The following RAB3C variants were observed in gnomAD, a reference collection of about 807,000 sequenced individuals.
The protein encoded by RAB3C is RAB3C, member RAS oncogene family.
A neutral mutation model predicts 26.4 loss-of-function variants in RAB3C; 17 were observed. That is an observed-to-expected ratio of 0.64 (90% confidence interval 0.44 to 0.97). The LOEUF is 0.97. Among genes scored for constraint, RAB3C ranks in the 50% least tolerant of loss-of-function variants. RAB3C has a pLI of 0.00. For missense variants in RAB3C, 242 were observed against 281.9 expected (o/e 0.86, Z 1.01); for synonymous variants, 91 against 95.9 (o/e 0.95, Z 0.30).
At chr5:58,709,763 T>C (rs1027016507) in intron 2 of RAB3C, among the ~76,000 whole-genome samples, 2 of 152,208 alleles carry the variant, frequency 1.3e-5, no homozygotes, top group Admixed American at 6.5e-5. Flanking sequence ...GCCAGTCTCA[T>C]TGGTGTCTGA....
At chr5:58,625,632 G>A (rs1833616) in intron 2 of RAB3C, among the ~76,000 whole-genome samples, 5,687 of 152,178 alleles carry the variant, frequency 0.037, 360 homozygotes, top group African/African-American at 0.13. Flanking sequence ...GCCGAGGTGG[G>A]TGGATCACGA....
chr5:58,739,120 G>C (rs1210512719), intron 3 of RAB3C, among the ~76,000 whole-genome samples: 1 of 152,180 alleles, frequency 6.6e-6, no homozygotes, highest in African/African-American at 2.4e-5. Context: ...TTGCATTTGT[G>C]ACTTACTTGA....
chr5:58,851,574 C>T lies in RAB3C; in HGVS notation c.*223C>T. The T allele has an allele frequency of 4.9e-6, 2 of 404,496 alleles. No individual in the cohort carries two copies. The highest frequency in any genetic ancestry group is 8.7e-6 in the Non-Finnish European group (2 of 229,670). 25.1% of individuals were successfully genotyped at this position (404,496 alleles called of 1,614,324 possible). On this transcript the variant is annotated 3_prime_UTR_variant, in exon 5 of 5. Transcript: ENST00000282878. The stretch of plus-strand genomic sequence containing the variant: ...ACTATCCATCTATAAACATCTGGTA[C>T]CTGCATGTGACTTGTTATTTATTTG...
chr5:58,732,458 T>C (rs1021072234), intron 3 of RAB3C, among the ~76,000 whole-genome samples: 1 of 152,134 alleles, frequency 6.6e-6, no homozygotes, highest in Non-Finnish European at 1.5e-5. Flanking sequence ...ATGTTAACAA[T>C]AGCTTTTATA....
At chr5:58,585,347 T>G (rs1377114684) in intron 1 of RAB3C, among the ~76,000 whole-genome samples, 1 of 152,058 alleles carries the variant, frequency 6.6e-6, no homozygotes, top group African/African-American at 2.4e-5. Context: ...GTAATCACAT[T>G]TCACGTGACT....
intron 3 of RAB3C, among the ~76,000 whole-genome samples, chr5:58,739,575 A>G (rs1741233046): frequency 6.6e-6 from 1 of 152,178 alleles, no homozygotes; most frequent in African/African-American, 2.4e-5. Context: ...AAACAGCACA[A>G]CATTAGACAT....
At chr5:58,619,947 G>A (rs902249536) in intron 2 of RAB3C, among the ~76,000 whole-genome samples, 2 of 151,538 alleles carry the variant, frequency 1.3e-5, no homozygotes, top group Non-Finnish European at 2.9e-5. Context: ...GCCAACCAAA[G>A]CTCAGATCCC....
intron 3 of RAB3C, among the ~76,000 whole-genome samples, chr5:58,808,091 G>T (rs1469240344): frequency 1.3e-5 from 2 of 151,970 alleles, no homozygotes; most frequent in African/African-American, 4.8e-5. Flanking sequence ...CAGGCGTAGT[G>T]GTGGGCGCCT....
chr5:58,724,417 C>A (rs936765887), intron 2 of RAB3C, among the ~76,000 whole-genome samples: 1 of 151,708 alleles, frequency 6.6e-6, no homozygotes, highest in Admixed American at 6.6e-5. Flanking sequence ...TCCCATTTTA[C>A]AATTAAATAA....
At chr5:58,643,849 T>C (rs979076092) in intron 2 of RAB3C, among the ~76,000 whole-genome samples, 1 of 152,110 alleles carries the variant, frequency 6.6e-6, no homozygotes. Flanking sequence ...TGAGATGGAG[T>C]CTCGCTCTGT....
chr5:58,587,116 G>A (rs1477215928), intron 1 of RAB3C, among the ~76,000 whole-genome samples: 1 of 152,124 alleles, frequency 6.6e-6, no homozygotes, highest in Non-Finnish European at 1.5e-5. Flanking sequence ...TCTGTAAAAG[G>A]AAGTGGAGGA....
chr5:58,720,204 C>T (rs567224960), intron 2 of RAB3C, among the ~76,000 whole-genome samples: 2 of 151,998 alleles, frequency 1.3e-5, no homozygotes, highest in East Asian at 3.9e-4. Context: ...CTCTCATTTT[C>T]CCTTTCCCTT....
chr5:58,763,015 G>A (rs1400497243), intron 3 of RAB3C, among the ~76,000 whole-genome samples: 4 of 152,214 alleles, frequency 2.6e-5, no homozygotes, highest in African/African-American at 9.6e-5. Flanking sequence ...GTAGAGCAAT[G>A]TTGAGATGAA....
intron 2 of RAB3C, among the ~76,000 whole-genome samples, chr5:58,712,991 T>A (rs1337915128): frequency 6.6e-6 from 1 of 151,896 alleles, no homozygotes; most frequent in Non-Finnish European, 1.5e-5. Context: ...CATGAAGGGA[T>A]CAAAAACAAA....
chr5:58,602,330 T>C (rs923399686), intron 1 of RAB3C, among the ~76,000 whole-genome samples: 1 of 152,188 alleles, frequency 6.6e-6, no homozygotes, highest in African/African-American at 2.4e-5. Context: ...TCTGCAGTTG[T>C]TGGATGAAAT....
In RAB3C at chr5:58,854,950, A is replaced by G. The variant is rs2112095589; in HGVS notation, c.*3599A>G. On this transcript the variant is annotated 3_prime_UTR_variant, in exon 5 of 5. Transcript: ENST00000282878. ...AACCAATTTAAACTTTCAATTTTAA[A>G]TACATCTATGCTGACGATAGACTTT... 6.6e-6 allele frequency: 1 copy of G among 152,314 alleles called. No individual in the cohort carries two copies. The highest frequency in any genetic ancestry group is 1.9e-4 in the East Asian group (1 of 5,186). The allele number at this position is 152,314 out of a possible 1,614,324, so 9.4% of individuals were successfully genotyped here. A position where few individuals can be genotyped will look rare whatever the true frequency, so the allele number is the denominator to read the frequency against.
At chr5:58,837,557 C>CTTTTTTTTT (rs36020735) in intron 4 of RAB3C, among the ~76,000 whole-genome samples, 1 of 118,896 alleles carries the variant, frequency 8.4e-6, no homozygotes. Flanking sequence ...TTCAGTCTCT[C>CTTTTTTTTT]TTTTTTTTTT....
chr5:58,622,260 C>A lies in RAB3C; in HGVS notation c.252+4390C>A, dbSNP rs549146146. On this transcript the variant is annotated intron_variant, in intron 2 of 4. Transcript: ENST00000282878. ...GATAGTGGCCCAGAGTGTGAAAGCCCTATAATGGAGGTGGTTGGGAGTGTG... is the reference window on the plus strand; with the variant it reads ...GATAGTGGCCCAGAGTGTGAAAGCCATATAATGGAGGTGGTTGGGAGTGTG... Among the ~76,000 whole-genome samples, 183 of 151,960 alleles carry A rather than the reference C, an allele frequency of 1.2e-3. 1 individual carries two copies. Among genetic ancestry groups the A allele is most frequent in the Non-Finnish European group, 7.2e-4 (49 of 67,960 alleles).
intron 2 of RAB3C, among the ~76,000 whole-genome samples, chr5:58,645,264 T>C (rs1747492917): frequency 1.3e-5 from 2 of 152,228 alleles, no homozygotes; most frequent in South Asian, 4.1e-4. Context: ...CACCACAGTA[T>C]ATAAATTGAG....
Sources: gnomAD v4.1 joint callset for allele counts (sites outside exome capture counted in the v4.1 genomes callset) on GRCh38, gnomAD v4.1.1 for gene constraint, MANE v1.5 for transcripts, NCBI Gene and HGNC (gene_info 2026-07-23, HGNC 2026-07-21) for gene names.